Variants in COL25A1 observed in about 807,000 individuals in gnomAD.
The protein encoded by COL25A1 is collagen alpha-1(XXV) chain.
Under a neutral mutation model 128.4 loss-of-function variants are expected in COL25A1, and 103 were observed. The ratio of observed to expected loss-of-function variants is 0.80; its 90% CI spans 0.68 to 0.94. The LOEUF is 0.94. Ranked by LOEUF, COL25A1 falls within the 40% of genes least tolerant of loss-of-function variation. COL25A1 has a pLI of 0.00. For synonymous variants in COL25A1, 279 were observed against 277.2 expected, an observed-to-expected ratio of 1.01 and a Z score of -0.06; for missense variants, 745 against 840.0, an observed-to-expected ratio of 0.89 and a Z score of 1.40.
chr4:108,924,683 C>T (rs1745845544), intron 11 of COL25A1, among the ~76,000 whole-genome samples: 1 of 152,216 alleles, frequency 6.6e-6, no homozygotes. Flanking sequence ...ATCCTTTCTG[C>T]ACACTGCTGC....
chr4:109,165,517 A>T (rs1009925175), intron 3 of COL25A1, among the ~76,000 whole-genome samples: 1 of 152,116 alleles, frequency 6.6e-6, no homozygotes, highest in African/African-American at 2.4e-5. Context: ...CGAGTTCGAG[A>T]CCAGCCTGGG....
chr4:109,023,885 A>T (rs1757990235), intron 5 of COL25A1, among the ~76,000 whole-genome samples: 1 of 152,210 alleles, frequency 6.6e-6, no homozygotes, highest in African/African-American at 2.4e-5. Context: ...GCTATTCTCA[A>T]GCCTCTCAGA....
intron 3 of COL25A1, among the ~76,000 whole-genome samples, chr4:109,059,808 GTCT>G (rs754628402): frequency 2.2e-4 from 33 of 152,292 alleles, no homozygotes; most frequent in Non-Finnish European, 3.4e-4. Context: ...GATATTGCCT[GTCT>G]TCTTCATTAT....
intron 5 of COL25A1, among the ~76,000 whole-genome samples, chr4:109,026,963 A>C (rs1402435971): frequency 2.6e-5 from 4 of 152,228 alleles, no homozygotes; most frequent in Non-Finnish European, 5.9e-5. Context: ...CCATTCCTTA[A>C]ATCTCAGAGG....
intron 3 of COL25A1, among the ~76,000 whole-genome samples, chr4:109,281,294 C>A (rs188198171): frequency 6.6e-6 from 1 of 151,674 alleles, no homozygotes; most frequent in East Asian, 1.9e-4. Flanking sequence ...AGTAACCATA[C>A]AGTACAAAGG....
At chr4:108,866,861 T>C (rs6850411) in intron 20 of COL25A1, among the ~76,000 whole-genome samples, 75,426 of 152,108 alleles carry the variant, frequency 0.5, 20,938 homozygotes, top group East Asian at 0.93. Context: ...TGTTGCTGTT[T>C]TAACAGCTGA....
At chr4:108,821,212 G>T (rs1022853174) in intron 35 of COL25A1, among the ~76,000 whole-genome samples, 17 of 152,176 alleles carry the variant, frequency 1.1e-4, no homozygotes, top group Non-Finnish European at 2.9e-5. Context: ...GTGCCAAAAA[G>T]ATTGCATCAG....
chr4:109,080,238 T>C (rs1763723808), intron 3 of COL25A1, among the ~76,000 whole-genome samples: 1 of 152,170 alleles, frequency 6.6e-6, no homozygotes, highest in African/African-American at 2.4e-5. Context: ...CATAGTGAAG[T>C]TAAATAATTT....
At chr4:109,047,728 C>CTT (rs59105153) in intron 5 of COL25A1, among the ~76,000 whole-genome samples, 74 of 132,162 alleles carry the variant, frequency 5.6e-4, no homozygotes, top group Non-Finnish European at 9.0e-4. Flanking sequence ...TAAGTATACT[C>CTT]TTTTTTTTTT....
At chr4:108,869,944 C>T (rs1738497871) in intron 19 of COL25A1, among the ~76,000 whole-genome samples, 2 of 151,920 alleles carry the variant, frequency 1.3e-5, no homozygotes, top group African/African-American at 4.8e-5. Context: ...ATAGAGAAAA[C>T]GTTTTATAAG....
At chr4:109,080,641 G>A (rs1763757300) in intron 3 of COL25A1, among the ~76,000 whole-genome samples, 1 of 152,136 alleles carries the variant, frequency 6.6e-6, no homozygotes, top group Non-Finnish European at 1.5e-5. Flanking sequence ...ATCAAAAGAT[G>A]TTGAACCCGG....
At chr4:108,994,665 C>T (rs369454069) in intron 6 of COL25A1, among the ~76,000 whole-genome samples, 3 of 152,324 alleles carry the variant, frequency 2.0e-5, no homozygotes, top group African/African-American at 4.8e-5. Context: ...CTGCCTCAAG[C>T]GGGTCCCTGA....
At chr4:109,142,919 A>G (rs1191394748) in intron 3 of COL25A1, among the ~76,000 whole-genome samples, 2 of 152,114 alleles carry the variant, frequency 1.3e-5, no homozygotes, top group African/African-American at 2.4e-5. Context: ...TTTAAAGTTA[A>G]TATTGTTATA....
intron 3 of COL25A1, among the ~76,000 whole-genome samples, chr4:109,259,108 A>G (rs955085047): frequency 6.6e-6 from 1 of 152,168 alleles, no homozygotes; most frequent in Non-Finnish European, 1.5e-5. Flanking sequence ...GGGACTGTGA[A>G]TTACACCTCT....
intron 35 of COL25A1, chr4:108,819,667 C>CTAT: frequency 2.3e-6 from 1 of 434,980 alleles, no homozygotes; most frequent in Non-Finnish European, 3.9e-6. Context: ...ATCAGGATAA[C>CTAT]TGATAAATGT....
intron 3 of COL25A1, among the ~76,000 whole-genome samples, chr4:109,171,125 G>A (rs930495749): frequency 1.3e-5 from 2 of 151,990 alleles, no homozygotes; most frequent in East Asian, 1.9e-4. Context: ...CCAGTGAAAG[G>A]TCACATGGGC....
chr4:108,845,064 C>T (rs1339713321), intron 29 of COL25A1, 125 bp downstream of exon 29: 2 of 820,720 alleles, frequency 2.4e-6, no homozygotes, highest in African/African-American at 3.4e-5. Context: ...TACAGTTTGA[C>T]AAACCAAGAG....
intron 3 of COL25A1, among the ~76,000 whole-genome samples, chr4:109,071,247 G>T (rs1462806071): frequency 3.3e-5 from 5 of 152,104 alleles, no homozygotes; most frequent in African/African-American, 1.2e-4. Flanking sequence ...TAGCCATATG[G>T]AGAAAGCTGA....
chr4:109,218,030 C>T (rs1778131370), intron 3 of COL25A1, among the ~76,000 whole-genome samples: 1 of 152,158 alleles, frequency 6.6e-6, no homozygotes, highest in African/African-American at 2.4e-5. Flanking sequence ...GGCGATCTGG[C>T]TCCAGAGCCT....
Sources: gnomAD v4.1 joint callset for allele counts (sites outside exome capture counted in the v4.1 genomes callset) on GRCh38, gnomAD v4.1.1 for gene constraint, MANE v1.5 for transcripts, NCBI Gene and HGNC (gene_info 2026-07-23, HGNC 2026-07-21) for gene names.